The following NAV3 variants were observed in gnomAD, a reference collection of about 807,000 sequenced individuals.
The protein encoded by NAV3 is pore membrane and/or filament interacting like protein 1.
A neutral mutation model predicts 244.7 loss-of-function variants in NAV3; 87 were observed. The observed-to-expected ratio is 0.36, with a 90% CI of 0.30 to 0.42. NAV3 has a LOEUF of 0.42. Ranked by LOEUF, NAV3 falls within the 20% of genes least tolerant of loss-of-function variation. The pLI, the probability that NAV3 is intolerant of heterozygous loss-of-function variation, is 1.00. For missense variants in NAV3, 2,663 were observed against 2,893.3 expected (o/e 0.92, Z 1.83); for synonymous variants, 1,126 against 1,042.2 (o/e 1.08, Z -1.55).
chr12:78,124,179 C>T (rs1024138570), intron 16 of NAV3, among the ~76,000 whole-genome samples: 3 of 152,176 alleles, frequency 2.0e-5, no homozygotes, highest in Non-Finnish European at 4.4e-5. Flanking sequence ...AGCATTTAGA[C>T]ATTAATCCAA....
In NAV3 at chr12:78,119,265, G is replaced by C. The variant is rs368189166; in HGVS notation, c.3069G>C (p.Glu1023Asp). 9 of 1,612,894 alleles carry C rather than the reference G, an allele frequency of 5.6e-6. No homozygotes were observed. The African/African-American group carries it at 9.4e-5, about 17-fold the overall frequency. The change falls in exon 15 of 40, where the codon GAG becomes GAC. Residue 1023 changes from glutamate (E) to aspartate (D), a missense_variant. By Grantham distance (45) the Glu-to-Asp change is conservative (BLOSUM62 2). Coordinates refer to ENST00000397909, the MANE Select transcript of NAV3 (RefSeq NM_001024383.2). ...AAACCGATGATGCCAAAGCTTCTGAGAAAGGAAAAGCTCCCCTAAAAGGAT... is the reference window on the plus strand; with the variant it reads ...AAACCGATGATGCCAAAGCTTCTGACAAAGGAAAAGCTCCCCTAAAAGGAT... ...PGKTDDAKAS[E>D]KGKAPLKGSS...
chr12:77,746,158 T>C (rs530492386), intron 2 of NAV3, among the ~76,000 whole-genome samples: 1 of 152,250 alleles, frequency 6.6e-6, no homozygotes, highest in South Asian at 2.1e-4. Context: ...TACTCTGAGC[T>C]GTGTACTTTA....
chr12:77,589,289 CTCCAAACTGT>C (rs946136606), intron 2 of NAV3, among the ~76,000 whole-genome samples: 8 of 152,080 alleles, frequency 5.3e-5, no homozygotes, highest in Admixed American at 5.2e-4. Flanking sequence ...CTTCTGAGCC[CTCCAAACTGT>C]TCTATCCTCT....
At chr12:77,798,533 T>C (rs56043444) in intron 2 of NAV3, among the ~76,000 whole-genome samples, 5,657 of 131,282 alleles carry the variant, frequency 0.043, 148 homozygotes, top group Non-Finnish European at 0.063. Flanking sequence ...GAGCCTCACT[T>C]TCCTCACATG....
At chr12:77,587,611 C>A (rs1273216501) in intron 2 of NAV3, among the ~76,000 whole-genome samples, 1 of 152,084 alleles carries the variant, frequency 6.6e-6, no homozygotes, top group Non-Finnish European at 1.5e-5. Flanking sequence ...TATAGAAGTT[C>A]ATTTTCATTG....
chr12:78,093,740 C>G (rs528455466), intron 12 of NAV3, among the ~76,000 whole-genome samples: 4 of 152,134 alleles, frequency 2.6e-5, no homozygotes, highest in Non-Finnish European at 5.9e-5. Flanking sequence ...GTTTCTTACC[C>G]CAAATCATCT....
At chr12:77,967,000 A>T (rs1892580953) in intron 4 of NAV3, among the ~76,000 whole-genome samples, 1 of 152,002 alleles carries the variant, frequency 6.6e-6, no homozygotes. Flanking sequence ...TGATATTTAA[A>T]TTTCTTTTAT....
At chr12:77,787,664 C>T (rs570811689) in intron 2 of NAV3, among the ~76,000 whole-genome samples, 1 of 152,302 alleles carries the variant, frequency 6.6e-6, no homozygotes, top group South Asian at 2.1e-4. Context: ...CAGTTATCTC[C>T]ACCTGATCCC....
At chr12:78,031,776 C>A (rs1010080994) in intron 9 of NAV3, among the ~76,000 whole-genome samples, 9 of 150,162 alleles carry the variant, frequency 6.0e-5, no homozygotes, top group Non-Finnish European at 8.9e-5. Context: ...GGGAGATATA[C>A]CTAATGCTAG....
At chr12:78,127,417 T>G (rs1479500912) in intron 17 of NAV3, among the ~76,000 whole-genome samples, 1 of 152,098 alleles carries the variant, frequency 6.6e-6, no homozygotes, top group Non-Finnish European at 1.5e-5. Context: ...GTCTCTCAAA[T>G]TAAATAAATT....
chr12:78,114,743 A>G, intron 12 of NAV3, among the ~76,000 whole-genome samples: 1 of 152,158 alleles, frequency 6.6e-6, no homozygotes, highest in Non-Finnish European at 1.5e-5. Context: ...GAAATTATCA[A>G]ATTAAGATGT....
At chr12:77,826,955 T>A (rs1041973167), upstream of NAV3, among the ~76,000 whole-genome samples, 6 of 152,104 alleles carry the variant, frequency 3.9e-5, no homozygotes, top group Non-Finnish European at 5.9e-5. Flanking sequence ...GGCACAGTGG[T>A]TCACGCTTGT....
chr12:77,771,076 AAAC>A (rs1870055295), intron 2 of NAV3, among the ~76,000 whole-genome samples: 1 of 152,190 alleles, frequency 6.6e-6, no homozygotes, highest in Admixed American at 6.5e-5. Flanking sequence ...AGAAAAAAAC[AAAC>A]AACCCCATCA....
chr12:77,805,649 A>G (rs977349399), intron 2 of NAV3, among the ~76,000 whole-genome samples: 22 of 130,496 alleles, frequency 1.7e-4, no homozygotes, highest in Middle Eastern at 4.0e-3. Context: ...TTTCTCTGCC[A>G]GGTTTTAGTA....
chr12:78,110,702 GTGTGTA>G (rs1335413888), intron 12 of NAV3, among the ~76,000 whole-genome samples: 1 of 151,836 alleles, frequency 6.6e-6, no homozygotes, highest in Non-Finnish European at 1.5e-5. Flanking sequence ...TAGTGTGTGT[GTGTGTA>G]TACACACATA....
At position 77,797,523 on chromosome 12, in the gene NAV3, AGTT is replaced by A. The variant is rs372438269; in HGVS notation, c.73-142795_73-142793del. On this transcript the variant is annotated intron_variant, in intron 2 of 8. Coordinates refer to the NAV3 transcript ENST00000550042. ...AGTCTTAAACGTAGAATCTTTAAAA[AGTT>A]TTTTTTTTTTTTTTTTTTTTTTTAA... Among the ~76,000 whole-genome samples, 23 of 123,116 alleles carry A rather than the reference AGTT, an allele frequency of 1.9e-4. 1 individual carries two copies. Among genetic ancestry groups the A allele is most frequent in the African/African-American group, 5.5e-4 (19 of 34,714 alleles). The allele number at this position is 123,116 out of a possible 152,430, so 80.8% of individuals were successfully genotyped here. A position where few individuals can be genotyped will look rare whatever the true frequency, so the allele number is the denominator to read the frequency against.
chr12:78,199,742 T>C (rs1959436197), intron 37 of NAV3, among the ~76,000 whole-genome samples: 1 of 152,046 alleles, frequency 6.6e-6, no homozygotes, highest in Non-Finnish European at 1.5e-5. Flanking sequence ...TACTAAAATA[T>C]TACCGAGATC....
chr12:77,952,168 A>T (rs1222202348), intron 3 of NAV3, among the ~76,000 whole-genome samples: 1 of 151,344 alleles, frequency 6.6e-6, no homozygotes, highest in African/African-American at 2.4e-5. Flanking sequence ...TATTTCTGCT[A>T]GTCTGTGGTT....
intron 1 of NAV3, among the ~76,000 whole-genome samples, chr12:77,890,918 A>C (rs1012327644): frequency 6.6e-6 from 1 of 152,218 alleles, no homozygotes; most frequent in Non-Finnish European, 1.5e-5. Context: ...AAAGAGAGGA[A>C]TCATACACAA....
Sources: gnomAD v4.1 joint callset for allele counts (sites outside exome capture counted in the v4.1 genomes callset) on GRCh38, gnomAD v4.1.1 for gene constraint, MANE v1.5 for transcripts, NCBI Gene and HGNC (gene_info 2026-07-23, HGNC 2026-07-21) for gene names.